The following ZNF91 variants were observed in gnomAD, a reference collection of about 807,000 sequenced individuals.
ZNF91 encodes zinc finger protein 91 (HPF7, HTF10).
A neutral mutation model predicts 12.6 loss-of-function variants in ZNF91; 7 were observed. The observed-to-expected ratio is 0.55, with a 90% CI of 0.31 to 1.04. ZNF91 has a LOEUF of 1.04. Ranked by LOEUF, ZNF91 falls within the 50% of genes least tolerant of loss-of-function variation. The pLI, the probability that ZNF91 is intolerant of heterozygous loss-of-function variation, is 0.05. For missense variants in ZNF91, 1,217 were observed against 1,385.4 expected (o/e 0.88, Z 1.93); for synonymous variants, 453 against 462.6 (o/e 0.98, Z 0.27).
chr19:23,382,679 G>T (rs771314396), intron 1 of ZNF91, among the ~76,000 whole-genome samples: 4 of 151,928 alleles, frequency 2.6e-5, no homozygotes, highest in African/African-American at 9.7e-5. Context: ...AACACACAGA[G>T]ATATTACCAC....
intron 3 of ZNF91, among the ~76,000 whole-genome samples, chr19:23,371,479 A>G (rs1969276627): frequency 6.6e-6 from 1 of 152,246 alleles, no homozygotes. Context: ...TGGCTCATTT[A>G]TCTTTTAATT....
At chr19:23,352,787 C>G (rs749557528), downstream of ZNF91, among the ~76,000 whole-genome samples, 2 of 152,112 alleles carry the variant, frequency 1.3e-5, no homozygotes, top group Non-Finnish European at 2.9e-5. Context: ...AATGGACACC[C>G]AAAGCAAGCA....
chr19:23,385,414 TATTCTTATAAAGC>T, intron 1 of ZNF91: 1 of 287,390 alleles, frequency 3.5e-6, no homozygotes, highest in Non-Finnish European at 6.4e-6. Flanking sequence ...TCTAAAATAA[TATTCTTATAAAGC>T]ATTTTTATTT....
At chr19:23,336,506 A>G (rs1968010618), downstream of ZNF91, among the ~76,000 whole-genome samples, 1 of 152,080 alleles carries the variant, frequency 6.6e-6, no homozygotes, top group Non-Finnish European at 1.5e-5. Context: ...CCTGTTCGTT[A>G]CTCTACACGT....
In ZNF91 at chr19:23,360,540, A is replaced by G. The variant is rs1968695081; in HGVS notation, c.2439T>C (p.Leu813=). 1 of 1,613,582 alleles carries G rather than the reference A, an allele frequency of 6.2e-7. No individual in the cohort carries two copies. Among genetic ancestry groups the G allele is most frequent in the South Asian group, 1.1e-5 (1 of 91,050 alleles). The change falls in exon 4 of 4, where the codon CTT becomes CTC. Residue 813 remains leucine (L), a synonymous_variant. Coordinates refer to ENST00000300619, the MANE Select transcript of ZNF91 (RefSeq NM_003430.4). The part of the protein sequence containing the change: ...CGKAFSRSST[L]TKHKTIHTGE... ...CAGTATGAATTGTCTTATGCTTAGTAAGGGTTGAGGAACGGCTAAAAGCTT... is the reference window on the plus strand; with the variant it reads ...CAGTATGAATTGTCTTATGCTTAGTGAGGGTTGAGGAACGGCTAAAAGCTT...
chr19:23,350,227 C>T (rs1260432385), intron 3 of ZNF91, among the ~76,000 whole-genome samples: 1 of 152,164 alleles, frequency 6.6e-6, no homozygotes, highest in Non-Finnish European at 1.5e-5. Context: ...TCACTTCAAA[C>T]ATCAGAAGAG....
intron 1 of ZNF91, among the ~76,000 whole-genome samples, chr19:23,379,741 AGGGTGCTATCTTTTT>A (rs1969629191): frequency 6.6e-6 from 1 of 151,084 alleles, no homozygotes; most frequent in African/African-American, 2.5e-5. Context: ...GTGGTTGAAT[AGGGTGCTATCTTTTT>A]GGCTACTTGC....
chr19:23,323,287 C>T (rs1967750775), intron 1 of ZNF91, among the ~76,000 whole-genome samples: 2 of 146,336 alleles, frequency 1.4e-5, no homozygotes, highest in African/African-American at 5.1e-5. Flanking sequence ...TTCTCTCCTC[C>T]TCCCCTCCTT....
chr19:23,361,052 A>T lies in ZNF91; in HGVS notation c.1927T>A (p.Ser643Thr), dbSNP rs1260431604. 1 of 1,604,068 alleles carries T rather than the reference A, an allele frequency of 6.2e-7. No homozygotes were observed. Among genetic ancestry groups the T allele is most frequent in the East Asian group, 2.2e-5 (1 of 44,802 alleles). ...ATTCTCTTATGTTTAGCAAGGGCTG[A>T]AGAATGGCTAAAAGCTTTGCCACAT... ...EECGKAFSHS[S>T]ALAKHKRIHT... Residue 643 changes from serine (S) to threonine (T), a missense_variant, in exon 4 of 4, where the codon TCA (serine) becomes ACA (threonine). Ser to Thr is a moderately conservative substitution (Grantham distance 58). Around this residue, in one of 2 missense-constraint regions of ZNF91, gnomAD observed 726 missense variants for 895.5 expected, o/e 0.81. Coordinates refer to ENST00000300619, the MANE Select transcript of ZNF91 (RefSeq NM_003430.4).
At chr19:23,319,568 A>G (rs559087078) in intron 1 of ZNF91, among the ~76,000 whole-genome samples, 1 of 145,444 alleles carries the variant, frequency 6.9e-6, no homozygotes, top group South Asian at 2.1e-4. Context: ...GGGCCTTGTG[A>G]CATATATCTG....
chr19:23,324,179 C>CTCT (rs1967791734), intron 1 of ZNF91: 1 of 151,816 alleles, frequency 6.6e-6, no homozygotes, highest in African/African-American at 2.4e-5. Context: ...TCTTCTCCTC[C>CTCT]TTTTTTCTCC....
rs369240183 is a variant in ZNF91, at chr19:23,359,861, G to A, written c.3118C>T (p.His1040Tyr). The change falls in exon 4 of 4, where the codon CAT becomes TAT. Residue 1040 changes from histidine (H) to tyrosine (Y), a missense_variant. His to Tyr is a moderately conservative substitution (Grantham distance 83, BLOSUM62 2). Around this residue, in one of 2 missense-constraint regions of ZNF91, gnomAD observed 491 missense variants for 489.8 expected, o/e 1.00. Transcript: ENST00000300619. Reference sequence around the variant, plus strand: ...TTCTCTCCAGTATGAATTATCTTATGTGTAGTAAGCTTTGAGGATCGATTA... The same window carrying A: ...TTCTCTCCAGTATGAATTATCTTATATGTAGTAAGCTTTGAGGATCGATTA... Reference protein sequence around the residue: ...AFNRSSKLTTHKIIHTGEKPY... With the variant: ...AFNRSSKLTTYKIIHTGEKPY... The A allele has an allele frequency of 6.3e-7, 1 of 1,589,488 alleles. No homozygotes were observed.
chr19:23,337,711 C>T (rs1456825878), downstream of ZNF91: 1 of 151,622 alleles, frequency 6.6e-6, no homozygotes, highest in Non-Finnish European at 1.5e-5. Context: ...TTTAAAGAAA[C>T]TCAAAGAGAG....
At chr19:23,380,815 T>C (rs1269409945) in intron 1 of ZNF91, 1 of 152,232 alleles carries the variant, frequency 6.6e-6, no homozygotes, top group Non-Finnish European at 1.5e-5. Context: ...TCTAATCTGC[T>C]GCCCATTAAA....
intron 1 of ZNF91, among the ~76,000 whole-genome samples, chr19:23,382,645 A>G (rs1218252589): frequency 6.6e-6 from 1 of 152,216 alleles, no homozygotes; most frequent in Non-Finnish European, 1.5e-5. Flanking sequence ...AGGAAATTCA[A>G]AAATCTCAAA....
intron 1 of ZNF91, among the ~76,000 whole-genome samples, chr19:23,318,294 G>A (rs1237004086): frequency 6.6e-6 from 1 of 152,072 alleles, no homozygotes; most frequent in Non-Finnish European, 1.5e-5. Flanking sequence ...GCCTACAGGA[G>A]GCATTGTGAC....
chr19:23,371,796 A>T (rs1020649850), intron 3 of ZNF91, among the ~76,000 whole-genome samples: 8 of 152,230 alleles, frequency 5.3e-5, no homozygotes, highest in Admixed American at 3.9e-4. Flanking sequence ...GAGAAAATGT[A>T]GTACAATCAT....
intron 2 of ZNF91, chr19:23,308,435 T>G (rs550472371): frequency 6.3e-4 from 96 of 152,328 alleles, no homozygotes; most frequent in African/African-American, 2.3e-3. Flanking sequence ...TGTAAAAGAT[T>G]GTGACATATC....
chr19:23,373,197 A>T (rs1395905608), intron 3 of ZNF91, among the ~76,000 whole-genome samples: 1 of 152,050 alleles, frequency 6.6e-6, no homozygotes, highest in East Asian at 1.9e-4. Context: ...ACAGTCACCG[A>T]TGCAAAACTA....
Sources: gnomAD v4.1 joint callset for allele counts (sites outside exome capture counted in the v4.1 genomes callset) on GRCh38, gnomAD v4.1.1 for gene constraint, gnomAD v4.1.1 regional missense constraint, MANE v1.5 for transcripts, NCBI Gene and HGNC (gene_info 2026-07-23, HGNC 2026-07-21) for gene names.